The following GNAO1 variants were observed in gnomAD, a reference collection of about 807,000 sequenced individuals.
GNAO1 encodes guanine nucleotide-binding protein G(o) subunit alpha.
For synonymous variants in GNAO1, 164 were observed against 180.7 expected (o/e 0.91, Z 0.74); for missense variants, 166 against 478.7 (o/e 0.35, Z 6.10).
rs1206100399 is a variant in GNAO1, at chr16:56,328,620, T to C, written c.304-11T>C. 6.2e-7 allele frequency: 1 copy of C among 1,612,056 alleles called. No homozygotes were observed. The highest frequency in any genetic ancestry group is 1.3e-5 in the African/African-American group (1 of 74,970). On this transcript the variant is annotated splice_polypyrimidine_tract_variant and intron_variant, in intron 3 of 8. Transcript: ENST00000262493. Reference sequence around the variant, plus strand: ...AAAGCGTCAAAGCCCACCATCCACCTCTCCTCACAGGCTGACGCCAAGATG... The same window carrying C: ...AAAGCGTCAAAGCCCACCATCCACCCCTCCTCACAGGCTGACGCCAAGATG...
intron 2 of GNAO1, chr16:56,193,098 A>G (rs1342881154): frequency 1.2e-5 from 2 of 160,704 alleles, no homozygotes; most frequent in African/African-American, 4.8e-5. Flanking sequence ...CTTGGCTAAC[A>G]TGGAGGGGAC....
intron 5 of GNAO1, among the ~76,000 whole-genome samples, chr16:56,336,057 G>A (rs1169120031): frequency 2.0e-5 from 3 of 152,188 alleles, no homozygotes; most frequent in Non-Finnish European, 4.4e-5. Context: ...ATTGGGGTGG[G>A]AGACTGACCT....
intron 3 of GNAO1, among the ~76,000 whole-genome samples, chr16:56,316,287 G>A (rs1281739213): frequency 6.6e-6 from 1 of 152,152 alleles, no homozygotes; most frequent in East Asian, 1.9e-4. Context: ...CCTCTGCCAG[G>A]CTCTATGGGG....
chr16:56,315,536 G>C (rs1327635953), intron 3 of GNAO1, among the ~76,000 whole-genome samples: 4 of 152,148 alleles, frequency 2.6e-5, no homozygotes, highest in Non-Finnish European at 5.9e-5. Flanking sequence ...CCCCATCCAG[G>C]AGAGATACCC....
intron 2 of GNAO1, among the ~76,000 whole-genome samples, chr16:56,195,144 T>G (rs971282751): frequency 6.6e-6 from 1 of 151,588 alleles, no homozygotes; most frequent in Non-Finnish European, 1.5e-5. Context: ...AAACAGATTT[T>G]GTAGGTAAAA....
chr16:56,257,259 C>T (rs551994837), intron 2 of GNAO1, among the ~76,000 whole-genome samples: 2 of 152,172 alleles, frequency 1.3e-5, no homozygotes, highest in Non-Finnish European at 2.9e-5. Context: ...GTTGAGTCGG[C>T]AATCCATGGT....
intron 3 of GNAO1, among the ~76,000 whole-genome samples, chr16:56,328,191 C>T (rs2037654559): frequency 6.6e-6 from 1 of 152,228 alleles, no homozygotes; most frequent in Admixed American, 6.5e-5. Flanking sequence ...AAAATTACAG[C>T]TCAGCCAAGA....
In GNAO1 at chr16:56,328,156, A is replaced by T. The variant is rs149017596; in HGVS notation, c.304-475A>T. 3.9e-5 allele frequency among the ~76,000 whole-genome samples: 6 copies of T among 152,342 alleles called. No individual in the cohort carries two copies. The East Asian group carries it at 1.2e-3, about 29-fold the overall frequency. ...TACATAGCCCAGTTCTAGGGACTGC[A>T]TTCCACCCTGTGTAAGAAGTATAGA... On this transcript the variant is annotated intron_variant, in intron 3 of 8. Transcript: ENST00000262493.
intron 2 of GNAO1, among the ~76,000 whole-genome samples, chr16:56,267,598 T>A (rs919197214): frequency 7.2e-5 from 11 of 152,138 alleles, no homozygotes; most frequent in African/African-American, 2.7e-4. Context: ...CCGTGGTCAC[T>A]GCTGTTTCCT....
intron 2 of GNAO1, among the ~76,000 whole-genome samples, chr16:56,220,691 T>C (rs2036476357): frequency 2.0e-5 from 3 of 152,178 alleles, no homozygotes; most frequent in Admixed American, 2.0e-4. Context: ...TAGGAGGTGC[T>C]TAGGTCACAA....
At chr16:56,200,221 G>A (rs776584386) in intron 2 of GNAO1, among the ~76,000 whole-genome samples, 2 of 152,132 alleles carry the variant, frequency 1.3e-5, no homozygotes, top group Non-Finnish European at 2.9e-5. Context: ...GCTAGCCTGG[G>A]TGTCCCTTCC....
At chr16:56,219,152 A>C (rs2036461986) in intron 2 of GNAO1, among the ~76,000 whole-genome samples, 1 of 152,216 alleles carries the variant, frequency 6.6e-6, no homozygotes, top group African/African-American at 2.4e-5. Flanking sequence ...GCCAACGGAC[A>C]TGTTAGTGCA....
intron 2 of GNAO1, among the ~76,000 whole-genome samples, chr16:56,258,673 G>C (rs77867118): frequency 0.022 from 3,338 of 152,314 alleles, 110 homozygotes; most frequent in African/African-American, 0.067. Context: ...AGGCCTAGCT[G>C]TTCTCCCACA....
At chr16:56,345,962 C>T (rs997701494) in intron 6 of GNAO1, 68 of 985,502 alleles carry the variant, frequency 6.9e-5, no homozygotes, top group Middle Eastern at 5.2e-4. Context: ...GCCCTCAGAA[C>T]ACAGTGGCCA....
At chr16:56,346,185 A>G in intron 6 of GNAO1, 1 of 985,402 alleles carries the variant, frequency 1.0e-6, no homozygotes. Flanking sequence ...ATCCGGGGAG[A>G]AATTCTCTCC....
intron 6 of GNAO1, among the ~76,000 whole-genome samples, chr16:56,342,560 G>GCC (rs2037816152): frequency 6.6e-6 from 1 of 152,202 alleles, no homozygotes; most frequent in African/African-American, 2.4e-5. Context: ...TCAGTGTGTT[G>GCC]CCCCCTGAGG....
intron 3 of GNAO1, among the ~76,000 whole-genome samples, chr16:56,288,866 AC>A (rs2037200598): frequency 6.6e-6 from 1 of 151,776 alleles, no homozygotes; most frequent in Non-Finnish European, 1.5e-5. Flanking sequence ...CCCATCCCTT[AC>A]CCTACAGGGT....
chr16:56,286,343 G>T (rs937098763), intron 3 of GNAO1, among the ~76,000 whole-genome samples: 8 of 152,274 alleles, frequency 5.3e-5, no homozygotes, highest in Admixed American at 4.6e-4. Context: ...AGTGATGGAA[G>T]ATACAACCAC....
At chr16:56,240,256 C>T (rs568426840) in intron 2 of GNAO1, among the ~76,000 whole-genome samples, 1 of 152,132 alleles carries the variant, frequency 6.6e-6, no homozygotes, top group South Asian at 2.1e-4. Flanking sequence ...GAGGCAGGCT[C>T]ATGCAGACAC....
Sources: allele counts gnomAD v4.1 joint callset (sites outside exome capture counted in the v4.1 genomes callset), GRCh38; gene constraint gnomAD v4.1.1; transcripts MANE v1.5; gene names NCBI Gene and HGNC (gene_info 2026-07-23, HGNC 2026-07-21).